Variants in LTBP2 observed in about 807,000 individuals in gnomAD.
LTBP2 encodes latent-transforming growth factor beta-binding protein 2.
LTBP2 carries 103 observed loss-of-function variants against 210.6 expected under a neutral mutation model. That is an observed-to-expected ratio of 0.49 (90% CI 0.42 to 0.58). LTBP2 has a LOEUF of 0.58. Ranked by LOEUF, LTBP2 falls within the 20% of genes least tolerant of loss-of-function variation. The pLI, the probability that LTBP2 is intolerant of heterozygous loss-of-function variation, is 0.00. For missense variants in LTBP2, 2,313 were observed against 2,494.5 expected (o/e 0.93, Z 1.55); for synonymous variants, 1,007 against 1,015.0 (o/e 0.99, Z 0.15).
intron 3 of LTBP2, among the ~76,000 whole-genome samples, chr14:74,579,220 G>C (rs1488657298): frequency 6.6e-6 from 1 of 152,206 alleles, no homozygotes; most frequent in Admixed American, 6.5e-5. Context: ...TGTCAACCAG[G>C]GGGTGCTGCC....
Position 74,508,623 on chromosome 14 carries a change from C to G in LTBP2, c.3633G>C (p.Glu1211Asp), listed in dbSNP as rs1382536282. 1.9e-6 allele frequency: 3 copies of G among 1,609,922 alleles called. No homozygotes were observed. The highest frequency in any genetic ancestry group is 1.1e-5 in the South Asian group (1 of 91,064). ...TCTCACCCTGGCAGCTGGTGCCCCC[C>G]TCTGCGCTGACGAAGCCAGGCGCGC... ...CLCAPGFVSA[E>D]GGTSCQDVDE... The change falls in exon 24 of 36, where the codon GAG becomes GAC. Residue 1211 changes from glutamate (E) to aspartate (D), a missense_variant. By Grantham distance (45) the Glu-to-Asp change is conservative (BLOSUM62 2). Transcript: ENST00000261978.
rs1444673523 is a variant in LTBP2 at position 74,557,714 on chromosome 14, T to TTGTGTATAC, written c.831-2022_831-2021insGTATACACA. On this transcript the variant is annotated intron_variant, in intron 3 of 35. Transcript: ENST00000261978. ...TACTCTGTCATTGTCACAATGTCTATGAACCACTGTGTATACGACAGTGTC... is the reference window on the plus strand; with the variant it reads ...TACTCTGTCATTGTCACAATGTCTATTGTGTATACGAACCACTGTGTATACGACAGTGTC... Among the ~76,000 whole-genome samples, 348 of 152,326 alleles carry TTGTGTATAC rather than the reference T, an allele frequency of 2.3e-3. 2 individuals are homozygous for TTGTGTATAC. The highest frequency in any genetic ancestry group is 0.012 in the South Asian group (60 of 4,834).
chr14:74,521,773 TG>T, intron 17 of LTBP2, 137 bp downstream of exon 17: 2 of 1,202,158 alleles, frequency 1.7e-6, no homozygotes, highest in Non-Finnish European at 1.2e-6. Context: ...GCTGGAGTTC[TG>T]GTCTCTCCTC....
chr14:74,550,381 T>A (rs902690627), intron 7 of LTBP2, among the ~76,000 whole-genome samples: 1 of 152,194 alleles, frequency 6.6e-6, no homozygotes, highest in African/African-American at 2.4e-5. Context: ...CCAGGGATGA[T>A]CTGGGAATTC....
chr14:74,508,854 G>T lies in LTBP2; in HGVS notation c.3502C>A (p.Leu1168Met). ...YQCLCPQGFQ[L>M]ANGTVCEDVN... ...CCCTCACACACGGTGCCATTGGCCA[G>T]CTGGAAGCCCTGGGGACAGAGGCAC... Residue 1168 changes from leucine to methionine, a missense_variant, in exon 23 of 36, where the codon CTG becomes ATG. Transcript: ENST00000261978. 6.2e-7 allele frequency: 1 copy of T among 1,613,748 alleles called. No individual in the cohort carries two copies. Among genetic ancestry groups the T allele is most frequent in the Non-Finnish European group, 8.5e-7 (1 of 1,179,952 alleles).
At chr14:74,523,431 G>C (rs2087234201) in intron 15 of LTBP2, among the ~76,000 whole-genome samples, 1 of 152,060 alleles carries the variant, frequency 6.6e-6, no homozygotes, top group South Asian at 2.1e-4. Context: ...TGTGAAAGGT[G>C]GGGGTGGGTC....
At position 74,572,811 on chromosome 14, in the gene LTBP2, T is replaced by C. The variant is rs577667726; in HGVS notation, c.830+13043A>G. 4.6e-5 allele frequency among the ~76,000 whole-genome samples: 7 copies of C among 152,278 alleles called. No individual in the cohort carries two copies. The East Asian group carries it at 1.3e-3, about 29-fold the overall frequency. ...CCCTCACTGAGTGAGCAGCCAGTTCTGTAAAAAGCAGCCGGATGGGGCGAA... is the reference window on the plus strand; with the variant it reads ...CCCTCACTGAGTGAGCAGCCAGTTCCGTAAAAAGCAGCCGGATGGGGCGAA... On this transcript the variant is annotated intron_variant, in intron 3 of 35. Transcript: ENST00000261978.
chr14:74,562,980 G>GT (rs991878865), intron 3 of LTBP2, among the ~76,000 whole-genome samples: 7 of 152,166 alleles, frequency 4.6e-5, no homozygotes, highest in Non-Finnish European at 5.9e-5. Flanking sequence ...TCTGGCTTGT[G>GT]TATCTGCAAG....
In LTBP2 at chr14:74,503,529, T is replaced by C. The variant is rs147384466; in HGVS notation, c.4660A>G (p.Ser1554Gly). The change falls in exon 32 of 36, where the codon AGC becomes GGC. Residue 1554 changes from serine to glycine, a missense_variant. This residue lies in a region of LTBP2 where 443 missense variants were observed against 501.4 expected (regional missense o/e 0.88). Coordinates refer to ENST00000261978, the MANE Select transcript of LTBP2 (RefSeq NM_000428.3). ...NTEGSFHCFC[S>G]PPLTLDLSQQ... is the part of the protein sequence containing the mutation. ...CTGAGGTCCAGGGTGAGCGGGGGGC[T>C]GCAGAAGCAGTGGAAGGAGCCCTCC... 10 of 1,613,518 alleles carry C rather than the reference T, an allele frequency of 6.2e-6. No individual in the cohort carries two copies. The highest frequency in any genetic ancestry group is 8.5e-6 in the Non-Finnish European group (10 of 1,179,914).
In LTBP2 at chr14:74,556,762, C is replaced by T. The variant is rs532979436; in HGVS notation, c.831-1069G>A. Reference sequence around the variant, plus strand: ...TGAACTCCTGGCCTCAGGTGATCCGCCCACCTTGGCCTCCCAAAGTGTTGG... The same window carrying T: ...TGAACTCCTGGCCTCAGGTGATCCGTCCACCTTGGCCTCCCAAAGTGTTGG... On this transcript the variant is annotated intron_variant, in intron 3 of 35. Transcript: ENST00000261978. Among the ~76,000 whole-genome samples, 35 of 152,342 alleles carry T rather than the reference C, an allele frequency of 2.3e-4. No individual in the cohort carries two copies. The South Asian group carries it at 7.0e-3, about 31-fold the overall frequency.
intron 2 of LTBP2, among the ~76,000 whole-genome samples, chr14:74,596,789 C>A (rs535854971): frequency 6.6e-6 from 1 of 152,156 alleles, no homozygotes; most frequent in Non-Finnish European, 1.5e-5. Flanking sequence ...GCAGTCAAGT[C>A]GATGGGGGTG....
At chr14:74,563,079 T>G (rs760925666) in intron 3 of LTBP2, among the ~76,000 whole-genome samples, 7 of 152,142 alleles carry the variant, frequency 4.6e-5, no homozygotes, top group Non-Finnish European at 8.8e-5. Flanking sequence ...CCCACCACCA[T>G]GACCACACAG....
chr14:74,517,274 A>C (rs2087148174), intron 17 of LTBP2, among the ~76,000 whole-genome samples: 1 of 152,168 alleles, frequency 6.6e-6, no homozygotes, highest in African/African-American at 2.4e-5. Flanking sequence ...TAAACTGCAG[A>C]GGCCAAAAGG....
At chr14:74,534,261 G>T (rs1183138685) in intron 9 of LTBP2, among the ~76,000 whole-genome samples, 2 of 152,126 alleles carry the variant, frequency 1.3e-5, no homozygotes, top group African/African-American at 4.8e-5. Flanking sequence ...ACCCTAACAT[G>T]GTATCCAAGG....
chr14:74,574,616 C>CT (rs2088031345), intron 3 of LTBP2, among the ~76,000 whole-genome samples: 1 of 152,182 alleles, frequency 6.6e-6, no homozygotes, highest in Non-Finnish European at 1.5e-5. Context: ...GAAAAGGTAG[C>CT]TTTCCCCATC....
At chr14:74,593,701 G>A (rs868785340) in intron 2 of LTBP2, among the ~76,000 whole-genome samples, 2 of 152,024 alleles carry the variant, frequency 1.3e-5, no homozygotes, top group Non-Finnish European at 2.9e-5. Context: ...TGTGGCTCAG[G>A]GCTACCACAC....
chr14:74,532,058 C>T (rs1158279534), intron 10 of LTBP2, among the ~76,000 whole-genome samples: 7 of 152,316 alleles, frequency 4.6e-5, no homozygotes, highest in South Asian at 2.1e-4. Context: ...AGCCAAGGCT[C>T]AGCCAGACAT....
intron 18 of LTBP2, among the ~76,000 whole-genome samples, chr14:74,516,569 T>C (rs376995117): frequency 2.6e-5 from 4 of 152,100 alleles, no homozygotes; most frequent in African/African-American, 9.7e-5. Flanking sequence ...ACAGAGGAGA[T>C]GTTCCTAAGG....
rs1412036624 is a variant in LTBP2 at position 74,508,891 on chromosome 14, C to G, written c.3465G>C (p.Val1155=). 14 of 1,613,680 alleles carry G rather than the reference C, an allele frequency of 8.7e-6. No homozygotes were observed. The highest frequency in any genetic ancestry group is 1.2e-5 in the Non-Finnish European group (14 of 1,179,958). ...SCLGGECKNT[V]GSYQCLCPQG... Reference sequence around the variant, plus strand: ...GGGGACAGAGGCACTGGTAGGAGCCCACAGTGTTCTTGCACTCGCCTCCCA... The same window carrying G: ...GGGGACAGAGGCACTGGTAGGAGCCGACAGTGTTCTTGCACTCGCCTCCCA... The change falls in exon 23 of 36, where the codon GTG becomes GTC. Residue 1155 remains valine, a synonymous_variant. Transcript: ENST00000261978.
Sources: gnomAD v4.1 joint callset for allele counts (sites outside exome capture counted in the v4.1 genomes callset) on GRCh38, gnomAD v4.1.1 for gene constraint, gnomAD v4.1.1 regional missense constraint, MANE v1.5 for transcripts, NCBI Gene and HGNC (gene_info 2026-07-23, HGNC 2026-07-21) for gene names.